Variants in ELF4 observed in about 807,000 individuals in gnomAD.
ELF4 encodes the protein E74 like ETS transcription factor 4, also known as ETS-related transcription factor Elf-4.
ELF4 carries 10 observed loss-of-function variants against 31.7 expected under a neutral mutation model. That is an observed-to-expected ratio of 0.32 (90% CI 0.19 to 0.54). ELF4 has a LOEUF of 0.54. Ranked by LOEUF, ELF4 falls within the 20% of genes least tolerant of loss-of-function variation. The pLI is 0.95. For synonymous variants in ELF4, 208 were observed against 226.7 expected, an observed-to-expected ratio of 0.92 and a Z score of 0.74; for missense variants, 418 against 522.0, an observed-to-expected ratio of 0.80 and a Z score of 1.94.
At position 130,067,053 on chromosome X, in the gene ELF4, C is replaced by A; in HGVS notation, c.1660G>T (p.Ala554Ser). ...GGAACCAGCAGCCCCTCCATGGGGG[C>A]CCCCGTCACCATACCCTGAACATAG... ...SSYVQGMVTG[A>S]PMEGLLVPEE... Residue 554 changes from alanine (A) to serine (S), a missense_variant, in exon 9 of 9, where the codon GCC (alanine) becomes TCC (serine). Coordinates refer to ENST00000308167, the MANE Select transcript of ELF4 (RefSeq NM_001421.4). 1.7e-6 allele frequency: 2 copies of A among 1,211,900 alleles called. No homozygotes were observed. The highest frequency in any genetic ancestry group is 1.7e-5 in the African/African-American group (1 of 57,904).
intron 1 of ELF4, among the ~76,000 whole-genome samples, chrX:130,095,683 G>A (rs1196731725): frequency 1.8e-5 from 2 of 111,842 alleles, no homozygotes; most frequent in Admixed American, 9.5e-5. Context: ...CTGCGGAGAA[G>A]GAGTATTGTG....
Position 130,064,005 on chromosome X carries a change from A to ATTATTATTATTAT in ELF4, c.*2715_*2716insATAATAATAATAA, listed in dbSNP as rs1314805728. 1.1e-3 allele frequency among the ~76,000 whole-genome samples: 118 copies of ATTATTATTATTAT among 104,533 alleles called. 2 individuals are homozygous for ATTATTATTATTAT. The East Asian group carries it at 0.028, about 25-fold the overall frequency. 90.8% of individuals were successfully genotyped at this position (104,533 alleles called of 115,157 possible). ...TATTATTATTATTATTATTATTATT[A>ATTATTATTATTAT]TTATTATACTTTAAGTTCTGGGATA... On this transcript the variant is annotated 3_prime_UTR_variant, in exon 9 of 9. Coordinates refer to ENST00000308167, the MANE Select transcript of ELF4 (RefSeq NM_001421.4).
intron 3 of ELF4, 107 bp from the exon 4 acceptor site, chrX:130,074,248 C>T: frequency 1.1e-6 from 1 of 882,356 alleles, no homozygotes; most frequent in South Asian, 2.0e-5. Context: ...TGGTGGTAAG[C>T]ATCCTTCGGG....
chrX:130,089,367 G>C (rs1933011937), intron 1 of ELF4, among the ~76,000 whole-genome samples: 1 of 106,835 alleles, frequency 9.4e-6, no homozygotes, highest in African/African-American at 3.4e-5. Context: ...AAATTAGCCA[G>C]ACGTGGTGGC....
chrX:130,108,469 C>T (rs1933414352), intron 1 of ELF4, among the ~76,000 whole-genome samples: 1 of 111,739 alleles, frequency 8.9e-6, no homozygotes, highest in Non-Finnish European at 1.9e-5. Context: ...CAGCCTGTGT[C>T]TAGCTGGGTC....
At position 130,067,376 on chromosome X, in the gene ELF4, C is replaced by G; in HGVS notation, c.1337G>C (p.Ser446Thr). 1 of 1,212,044 alleles carries G rather than the reference C, an allele frequency of 8.3e-7. No homozygotes were observed. Among genetic ancestry groups the G allele is most frequent in the Non-Finnish European group, 1.1e-6 (1 of 895,559 alleles). The change falls in exon 9 of 9, where the codon AGT (serine) becomes ACT (threonine). Residue 446 changes from serine (S) to threonine (T), a missense_variant. Around this residue, in one of 4 missense-constraint regions of ELF4, gnomAD observed 260 missense variants for 269.2 expected, o/e 0.97. Transcript: ENST00000308167. ...CTTGAAAGTAGAGGCCGCTGGAACACTCTGGAGAACGAGCTGAGTGGGAGC... is the reference window on the plus strand; with the variant it reads ...CTTGAAAGTAGAGGCCGCTGGAACAGTCTGGAGAACGAGCTGAGTGGGAGC... ...TTAPTQLVLQ[S>T]VPAASTFKDT...
At chrX:130,072,976 T>C (rs1932801478) in intron 4 of ELF4, among the ~76,000 whole-genome samples, 1 of 112,117 alleles carries the variant, frequency 8.9e-6, no homozygotes, top group Non-Finnish European at 1.9e-5. Context: ...GAAGGCAATC[T>C]GGGGGAACCC....
At chrX:130,083,369 C>T (rs1385474069) in intron 1 of ELF4, among the ~76,000 whole-genome samples, 1 of 106,469 alleles carries the variant, frequency 9.4e-6, no homozygotes, top group African/African-American at 3.5e-5. Flanking sequence ...CCTGCCCCCC[C>T]AGCCTAAGCG....
Position 130,065,283 on chromosome X carries a change from G to A in ELF4, c.*1438C>T, listed in dbSNP as rs914473137. 2 of 174,243 alleles carry A rather than the reference G, an allele frequency of 1.1e-5. No individual in the cohort carries two copies. Among genetic ancestry groups the A allele is most frequent in the African/African-American group, 5.9e-5 (2 of 33,901 alleles). 14.4% of individuals were successfully genotyped at this position (174,243 alleles called of 1,213,427 possible). On this transcript the variant is annotated 3_prime_UTR_variant, in exon 9 of 9. Coordinates refer to ENST00000308167, the MANE Select transcript of ELF4 (RefSeq NM_001421.4). ...GGCAAGCTCGTTTAAAGAAGGGAGA[G>A]GGGAGGAGATCCAGGCAATTGGCCT...
At chrX:130,094,319 G>A (rs911742173) in intron 1 of ELF4, among the ~76,000 whole-genome samples, 33 of 111,433 alleles carry the variant, frequency 3.0e-4, no homozygotes, top group East Asian at 2.8e-4. Context: ...AGGAGGCAGA[G>A]GTTGCAGTGA....
At chrX:130,089,240 C>T (rs1372440198) in intron 1 of ELF4, among the ~76,000 whole-genome samples, 1 of 109,237 alleles carries the variant, frequency 9.2e-6, no homozygotes, top group Non-Finnish European at 1.9e-5. Flanking sequence ...CGGTGGTACA[C>T]ACCTGTAATC....
chrX:130,104,504 A>G (rs1387347257), intron 1 of ELF4, among the ~76,000 whole-genome samples: 2 of 111,554 alleles, frequency 1.8e-5, no homozygotes, highest in African/African-American at 3.3e-5. Context: ...GGTGACAACA[A>G]TAATAATAAC....
intron 5 of ELF4, among the ~76,000 whole-genome samples, chrX:130,071,808 G>A (rs761715204): frequency 4.5e-5 from 5 of 112,279 alleles, no homozygotes; most frequent in Non-Finnish European, 9.4e-5. Flanking sequence ...CAATAACACC[G>A]GGGCTTGGGA....
intron 4 of ELF4, 28 bp downstream of exon 4, chrX:130,074,021 G>A: frequency 8.4e-7 from 1 of 1,188,362 alleles, no homozygotes; most frequent in Non-Finnish European, 1.1e-6. Context: ...TTGTTGCCTT[G>A]AGTTCAGGCA....
intron 1 of ELF4, among the ~76,000 whole-genome samples, chrX:130,102,825 A>G (rs1392487930): frequency 9.9e-6 from 1 of 101,339 alleles, no homozygotes; most frequent in African/African-American, 3.7e-5. Context: ...AAAGAAAGAA[A>G]GAAGAAAGCA....
At position 130,097,517 on chromosome X, in the gene ELF4, C is replaced by T. The variant is rs771171418; in HGVS notation, c.-210+12808G>A. 2.7e-5 allele frequency among the ~76,000 whole-genome samples: 3 copies of T among 112,248 alleles called. No homozygotes were observed. The South Asian group carries it at 1.1e-3, about 41-fold the overall frequency. ...GCAGAATAGAATGGAGTGTCAGATA[C>T]GTGGCTCTCCTTTGGGTGCTGCAGG... On this transcript the variant is annotated intron_variant, in intron 1 of 8. Transcript: ENST00000308167.
intron 2 of ELF4, among the ~76,000 whole-genome samples, chrX:130,078,760 T>TACACACACACA (rs1400014183): frequency 1.3e-5 from 1 of 76,420 alleles, no homozygotes; most frequent in Non-Finnish European, 2.5e-5. Flanking sequence ...TCTCTCTCTC[T>TACACACACACA]CTACACACAC....
chrX:130,067,475 G>C lies in ELF4; in HGVS notation c.1238C>G (p.Ser413Trp). The C allele has an allele frequency of 8.3e-7, 1 of 1,211,799 alleles. No individual in the cohort carries two copies. Among genetic ancestry groups the C allele is most frequent in the South Asian group, 1.8e-5 (1 of 56,976 alleles). Residue 413 changes from serine to tryptophan, a missense_variant, in exon 9 of 9, where the codon TCG (serine) becomes TGG (tryptophan). Physicochemically the swap from Ser to Trp is radical, Grantham distance 177. Around this residue, in one of 4 missense-constraint regions of ELF4, gnomAD observed 260 missense variants for 269.2 expected, o/e 0.97. Transcript: ENST00000308167. ...CGTCTGCAGGGTCAGGGCCGAGCCC[G>C]ACCCCACGGGGGCCACTCCTAGGTG... is the stretch of plus-strand genomic sequence containing the variant. ...NIHLGVAPVG[S>W]GSALTLQTIP...
In ELF4 at chrX:130,081,259, G is replaced by C. The variant is rs1323425078; in HGVS notation, c.72C>G (p.His24Gln). ...GCTCTGTTCTCTGGGGCCATACCTG[G>C]TGGATATCATCATCCATCCCGTTGC... is the stretch of plus-strand genomic sequence containing the variant. ...FASNGMDDDI[H>Q]QLEDPSVFPA... is the part of the protein sequence containing the mutation. The change falls in exon 2 of 9, where the codon CAC becomes CAG. Residue 24 changes from histidine (H) to glutamine (Q), a missense_variant. His to Gln is a conservative substitution (Grantham distance 24, BLOSUM62 0). Transcript: ENST00000308167. The C allele has an allele frequency of 8.3e-7, 1 of 1,210,184 alleles. No individual in the cohort carries two copies. Among genetic ancestry groups the C allele is most frequent in the Admixed American group, 2.2e-5 (1 of 45,863 alleles).
Sources: allele counts gnomAD v4.1 joint callset (sites outside exome capture counted in the v4.1 genomes callset), GRCh38; gene constraint gnomAD v4.1.1; regional missense constraint gnomAD v4.1.1; transcripts MANE v1.5; gene names NCBI Gene and HGNC (gene_info 2026-07-23, HGNC 2026-07-21).